Variants in HGD observed in about 807,000 individuals in gnomAD.
HGD encodes homogentisate oxidase.
A neutral mutation model predicts 60.8 loss-of-function variants in HGD; 61 were observed. The ratio of observed to expected loss-of-function variants is 1.00; its 90% CI spans 0.82 to 1.24. The LOEUF is 1.24. HGD is among the 50% of genes most tolerant of loss of function. HGD has a pLI of 0.00. For missense variants in HGD, 542 were observed against 547.1 expected (o/e 0.99, Z 0.09); for synonymous variants, 212 against 187.7 (o/e 1.13, Z -1.06).
intron 7 of HGD, 58 bp from the exon 8 acceptor site, chr3:120,647,110 T>C: frequency 3.0e-6 from 4 of 1,344,844 alleles, no homozygotes; most frequent in South Asian, 1.2e-5. Flanking sequence ...AACCATTTCA[T>C]GAACAGGAAA....
chr3:120,639,268 T>C (rs1940892938), intron 11 of HGD, among the ~76,000 whole-genome samples: 1 of 152,204 alleles, frequency 6.6e-6, no homozygotes. Context: ...GGGTGCTCAA[T>C]GTTTAGCTCC....
chr3:120,663,856 A>AG (rs1424399657), intron 4 of HGD, among the ~76,000 whole-genome samples: 1 of 152,160 alleles, frequency 6.6e-6, no homozygotes, highest in African/African-American at 2.4e-5. Flanking sequence ...ACATGGAAAA[A>AG]GGCGCAAAAT....
chr3:120,665,466 G>A (rs151215398), intron 4 of HGD, among the ~76,000 whole-genome samples: 5,650 of 152,292 alleles, frequency 0.037, 147 homozygotes, highest in Non-Finnish European at 0.057. Context: ...GGTTAAATTG[G>A]ATGTAGATTA....
chr3:120,659,098 T>C (rs768749490), intron 4 of HGD, among the ~76,000 whole-genome samples: 2 of 152,224 alleles, frequency 1.3e-5, no homozygotes, highest in Non-Finnish European at 2.9e-5. Flanking sequence ...ATTTGGCTCC[T>C]TTTTATTTAT....
chr3:120,664,198 A>G (rs1294763011), intron 4 of HGD, among the ~76,000 whole-genome samples: 1 of 152,046 alleles, frequency 6.6e-6, no homozygotes, highest in African/African-American at 2.4e-5. Context: ...GAAGCCAACA[A>G]TCAATGGTGA....
At chr3:120,662,075 A>G (rs1467113766) in intron 4 of HGD, among the ~76,000 whole-genome samples, 2 of 152,216 alleles carry the variant, frequency 1.3e-5, no homozygotes, top group Non-Finnish European at 2.9e-5. Context: ...CCAGGTAGAT[A>G]AAATGACGAT....
At chr3:120,670,317 AATAC>A in intron 4 of HGD, 106 bp downstream of exon 4, 1 of 740,420 alleles carries the variant, frequency 1.4e-6, no homozygotes, top group Non-Finnish European at 2.5e-6. Context: ...TTATTAAAAT[AATAC>A]TTTAAAAAAC....
chr3:120,635,476 CAAAAAAAAAAAAAA>C (rs149923580), intron 12 of HGD, among the ~76,000 whole-genome samples: 3 of 64,438 alleles, frequency 4.7e-5, no homozygotes, highest in Non-Finnish European at 8.5e-5. Flanking sequence ...GATTCCGTCT[CAAAAAAAAAAAAAA>C]AAAAAAAAAG....
intron 1 of HGD, among the ~76,000 whole-genome samples, chr3:120,676,970 T>C (rs1391351325): frequency 6.6e-6 from 1 of 152,204 alleles, no homozygotes; most frequent in Non-Finnish European, 1.5e-5. Flanking sequence ...ATTAATACTT[T>C]TGTAATTTCT....
chr3:120,664,127 G>T (rs564274661), intron 4 of HGD, among the ~76,000 whole-genome samples: 1 of 152,090 alleles, frequency 6.6e-6, no homozygotes, highest in South Asian at 2.1e-4. Flanking sequence ...AGCCAAATGG[G>T]GTAGGGGATC....
chr3:120,651,015 A>G (rs1941326962), intron 5 of HGD, 150 bp from the exon 6 acceptor site: 3 of 733,292 alleles, frequency 4.1e-6, no homozygotes, highest in Non-Finnish European at 7.5e-6. Context: ...GCAGCCTCTA[A>G]GGAGCCTGAA....
intron 4 of HGD, among the ~76,000 whole-genome samples, chr3:120,653,669 T>C (rs990227085): frequency 1.3e-5 from 2 of 152,210 alleles, no homozygotes; most frequent in Non-Finnish European, 2.9e-5. Context: ...AAAAAGGATG[T>C]AAAATGTTGA....
intron 10 of HGD, 60 bp from the exon 11 acceptor site, chr3:120,641,753 C>G: frequency 9.5e-7 from 1 of 1,047,138 alleles, no homozygotes; most frequent in Non-Finnish European, 1.5e-6. Flanking sequence ...AGCTGTGATC[C>G]CACAATATGT....
intron 4 of HGD, among the ~76,000 whole-genome samples, chr3:120,664,096 C>G (rs1707841039): frequency 6.6e-6 from 1 of 152,108 alleles, no homozygotes; most frequent in Non-Finnish European, 1.5e-5. Flanking sequence ...TGTTATCCCA[C>G]ATAACACCAT....
intron 12 of HGD, chr3:120,633,581 C>A (rs1940660272): frequency 7.0e-7 from 1 of 1,431,976 alleles, no homozygotes; most frequent in Non-Finnish European, 9.2e-7. Context: ...TGACAGGAAT[C>A]AGGCTAGATC....
chr3:120,675,791 C>T lies in HGD; in HGVS notation c.87+1G>A. The T allele has an allele frequency of 1.2e-6, 2 of 1,612,016 alleles. No individual in the cohort carries two copies. The highest frequency in any genetic ancestry group is 1.1e-5 in the South Asian group (1 of 91,032). ...CTTCTAAGCACTTTATTTGCTCATA[C>T]CTGTCCTTCTGGCAGGGAACCTGGG... On this transcript the variant is annotated splice_donor_variant, in intron 2 of 13. Transcript: ENST00000283871. LOFTEE classifies it high-confidence loss of function.
intron 8 of HGD, 53 bp downstream of exon 8, chr3:120,646,920 G>A (rs1941181777): frequency 2.8e-5 from 39 of 1,380,506 alleles, no homozygotes; most frequent in Non-Finnish European, 3.9e-5. Context: ...TGAAACATCT[G>A]ACTGCTCCCA....
intron 5 of HGD, among the ~76,000 whole-genome samples, chr3:120,651,207 C>T (rs747503865): frequency 6.6e-6 from 1 of 152,176 alleles, no homozygotes; most frequent in Non-Finnish European, 1.5e-5. Context: ...TACCATCAGG[C>T]ATCTAGGAGG....
At position 120,644,942 on chromosome 3, in the gene HGD, A is replaced by T. The variant is rs573311179; in HGVS notation, c.650-499T>A. Among the ~76,000 whole-genome samples the T allele has an allele frequency of 8.6e-5, 13 of 151,896 alleles. No homozygotes were observed. The South Asian group carries it at 2.5e-3, about 29-fold the overall frequency. Reference sequence around the variant, plus strand: ...TGAAAACGGTTCTCCAGCCTGAAAAACCCTGTCTGCCACTCAGGAAGAAGT... The same window carrying T: ...TGAAAACGGTTCTCCAGCCTGAAAATCCCTGTCTGCCACTCAGGAAGAAGT... On this transcript the variant is annotated intron_variant, in intron 9 of 13. Transcript: ENST00000283871.
Sources: gnomAD v4.1 joint callset for allele counts (sites outside exome capture counted in the v4.1 genomes callset) on GRCh38, gnomAD v4.1.1 for gene constraint, MANE v1.5 for transcripts, NCBI Gene and HGNC (gene_info 2026-07-23, HGNC 2026-07-21) for gene names.